The following ANKFN1 variants were observed in gnomAD, a reference collection of about 807,000 sequenced individuals.
ANKFN1 encodes ankyrin repeat and fibronectin type-III domain-containing protein 1.
A neutral mutation model predicts 108.7 loss-of-function variants in ANKFN1; 74 were observed. The observed-to-expected ratio is 0.68, with a 90% CI of 0.56 to 0.83. The LOEUF (loss-of-function observed/expected upper bound fraction) is 0.83. ANKFN1 is among the 40% of genes least tolerant of loss of function. The pLI, the probability that ANKFN1 is intolerant of heterozygous loss-of-function variation, is 0.00. For missense variants in ANKFN1, 1,505 were observed against 1,382.3 expected (o/e 1.09, Z -1.41); for synonymous variants, 547 against 516.2 (o/e 1.06, Z -0.81).
intron 8 of ANKFN1, among the ~76,000 whole-genome samples, chr17:56,400,079 C>A (rs571340803): frequency 6.6e-6 from 1 of 151,728 alleles, no homozygotes; most frequent in Non-Finnish European, 1.5e-5. Context: ...ATAATGACTT[C>A]TTTTCCTCTG....
At chr17:56,351,755 G>A (rs967894368) in intron 5 of ANKFN1, among the ~76,000 whole-genome samples, 1 of 152,136 alleles carries the variant, frequency 6.6e-6, no homozygotes, top group African/African-American at 2.4e-5. Flanking sequence ...TGATGTTACA[G>A]GTATTCTCAT....
intron 3 of ANKFN1, among the ~76,000 whole-genome samples, chr17:56,282,199 G>A (rs1177042925): frequency 1.3e-5 from 2 of 152,108 alleles, no homozygotes; most frequent in Non-Finnish European, 2.9e-5. Context: ...AAAACATGTT[G>A]AGTGAAAGAA....
intron 4 of ANKFN1, among the ~76,000 whole-genome samples, chr17:56,335,528 G>A (rs755096701): frequency 6.6e-6 from 1 of 151,952 alleles, no homozygotes; most frequent in African/African-American, 2.4e-5. Context: ...TTTGTTATTG[G>A]TGTATAGGAA....
At chr17:56,293,628 T>A (rs376600842) in intron 3 of ANKFN1, among the ~76,000 whole-genome samples, 1 of 152,144 alleles carries the variant, frequency 6.6e-6, no homozygotes, top group East Asian at 1.9e-4. Flanking sequence ...GAGATGTGGT[T>A]GGAGGTCAGG....
intron 16 of ANKFN1, among the ~76,000 whole-genome samples, chr17:56,477,983 A>G (rs924258353): frequency 3.3e-5 from 5 of 152,082 alleles, no homozygotes; most frequent in Admixed American, 2.6e-4. Flanking sequence ...GTGCACCACC[A>G]CGCCCAGCTA....
At chr17:56,068,472 T>A (rs914013257) in intron 4 of ANKFN1, among the ~76,000 whole-genome samples, 1 of 152,088 alleles carries the variant, frequency 6.6e-6, no homozygotes, top group African/African-American at 2.4e-5. Flanking sequence ...CCCTCTTACA[T>A]CTTCTCATGT....
intron 1 of ANKFN1, among the ~76,000 whole-genome samples, chr17:56,210,108 A>AGATAGAT: frequency 6.6e-6 from 1 of 151,676 alleles, no homozygotes; most frequent in Non-Finnish European, 1.5e-5. Context: ...ATAGATAGAT[A>AGATAGAT]ATGTATGCAT....
intron 4 of ANKFN1, among the ~76,000 whole-genome samples, chr17:56,123,633 A>G (rs145924448): frequency 5.5e-4 from 84 of 152,336 alleles, no homozygotes; most frequent in African/African-American, 1.9e-3. Flanking sequence ...TAAGTGTGAA[A>G]TCAGTAGGTG....
chr17:56,413,592 T>C (rs1047175484), intron 8 of ANKFN1, among the ~76,000 whole-genome samples: 1 of 152,272 alleles, frequency 6.6e-6, no homozygotes, highest in African/African-American at 2.4e-5. Flanking sequence ...TTTTGAGTTA[T>C]ATTCCTTCAA....
chr17:56,411,556 T>C (rs1485760655), intron 8 of ANKFN1, among the ~76,000 whole-genome samples: 1 of 152,216 alleles, frequency 6.6e-6, no homozygotes, highest in Non-Finnish European at 1.5e-5. Context: ...GGGCATCCTT[T>C]ACTTGTTCCT....
At chr17:56,118,789 C>T (rs1014291290) in intron 4 of ANKFN1, among the ~76,000 whole-genome samples, 41 of 152,154 alleles carry the variant, frequency 2.7e-4, no homozygotes, top group African/African-American at 9.4e-4. Context: ...CTCTGCTAGG[C>T]ATACCGTGTA....
At chr17:56,465,816 G>A (rs985977290) in intron 14 of ANKFN1, among the ~76,000 whole-genome samples, 9 of 152,098 alleles carry the variant, frequency 5.9e-5, no homozygotes, top group Non-Finnish European at 1.0e-4. Flanking sequence ...CAGATAAGTC[G>A]AATCAGGCCA....
chr17:56,456,420 T>TC (rs1237394586), intron 11 of ANKFN1, among the ~76,000 whole-genome samples: 2 of 149,398 alleles, frequency 1.3e-5, no homozygotes, highest in African/African-American at 4.9e-5. Context: ...TTTTTTTTTT[T>TC]TGATACGGAT....
At chr17:56,106,901 C>T (rs1905762301) in intron 4 of ANKFN1, among the ~76,000 whole-genome samples, 1 of 152,060 alleles carries the variant, frequency 6.6e-6, no homozygotes, top group African/African-American at 2.4e-5. Context: ...GGCATTTTCC[C>T]AGGAATCTAC....
chr17:56,072,570 GT>G (rs1392376562), intron 4 of ANKFN1, among the ~76,000 whole-genome samples: 1 of 152,058 alleles, frequency 6.6e-6, no homozygotes, highest in African/African-American at 2.4e-5. Flanking sequence ...GCATAAATTC[GT>G]TTTGTCTGTC....
At chr17:56,133,812 A>G (rs1907431378) in intron 4 of ANKFN1, among the ~76,000 whole-genome samples, 1 of 151,624 alleles carries the variant, frequency 6.6e-6, no homozygotes, top group Non-Finnish European at 1.5e-5. Flanking sequence ...CTCACACACC[A>G]CTCAACATAA....
chr17:56,189,170 CTTTTTT>C (rs532063852), intron 1 of ANKFN1, among the ~76,000 whole-genome samples: 2 of 85,290 alleles, frequency 2.3e-5, no homozygotes, highest in African/African-American at 6.8e-5. Context: ...GTTGCCCTGA[CTTTTTT>C]TTTTTTTTTT....
chr17:56,484,657 A>G (rs2145387673), intron 18 of ANKFN1, among the ~76,000 whole-genome samples: 1 of 152,362 alleles, frequency 6.6e-6, no homozygotes, highest in East Asian at 1.9e-4. Context: ...ATTGGATACT[A>G]AACACAGAGA....
At chr17:56,151,259 C>G (rs1908585100), upstream of ANKFN1, among the ~76,000 whole-genome samples, 1 of 152,150 alleles carries the variant, frequency 6.6e-6, no homozygotes, top group African/African-American at 2.4e-5. Context: ...GACCTGCTCC[C>G]TTTGGTTGGA....
Sources: gnomAD v4.1 joint callset for allele counts (sites outside exome capture counted in the v4.1 genomes callset) on GRCh38, gnomAD v4.1.1 for gene constraint, MANE v1.5 for transcripts, NCBI Gene and HGNC (gene_info 2026-07-23, HGNC 2026-07-21) for gene names.